Variants in CCDC33 observed in about 807,000 individuals in gnomAD.
The protein encoded by CCDC33 is coiled-coil domain-containing protein 33.
A neutral mutation model predicts 91.9 loss-of-function variants in CCDC33; 94 were observed. The observed-to-expected ratio is 1.02, with a 90% CI of 0.87 to 1.21. The LOEUF (loss-of-function observed/expected upper bound fraction) is 1.21. Ranked by LOEUF, CCDC33 falls within the 50% of genes most tolerant of loss-of-function variation. CCDC33 has a pLI of 0.00. For synonymous variants in CCDC33, 396 were observed against 374.5 expected, an observed-to-expected ratio of 1.06 and a Z score of -0.66; for missense variants, 940 against 935.5, an observed-to-expected ratio of 1.00 and a Z score of -0.06.
intron 11 of CCDC33, among the ~76,000 whole-genome samples, chr15:74,313,566 C>T (rs1248312735): frequency 1.3e-5 from 2 of 151,944 alleles, no homozygotes; most frequent in East Asian, 3.9e-4. Context: ...ATTACTGGTG[C>T]TGGCCGCGAT....
chr15:74,316,573 C>A lies in CCDC33; in HGVS notation c.1291-13616C>A, dbSNP rs1240930868. 6.6e-6 allele frequency among the ~76,000 whole-genome samples: 1 copy of A among 152,098 alleles called. No homozygotes were observed. Among genetic ancestry groups the A allele is most frequent in the Non-Finnish European group, 1.5e-5 (1 of 67,992 alleles). On this transcript the variant is annotated intron_variant, in intron 11 of 18. Transcript: ENST00000398814. This position sits in a 1 kb window ranked among gnomAD's most constrained non-coding sequence, Gnocchi z 4.7. ...CCAGGATCTTGGGGATAGCAGGGGG[C>A]ACACACCCATTTCCCTGGTGGGGAG...
intron 11 of CCDC33, 47 bp from the exon 12 acceptor site, chr15:74,330,142 G>T: frequency 6.6e-7 from 1 of 1,524,444 alleles, no homozygotes; most frequent in Non-Finnish European, 8.8e-7. Flanking sequence ...GTGGGACCAG[G>T]GTTGCTATGG....
chr15:74,330,999 G>A lies in CCDC33; in HGVS notation c.1564G>A (p.Glu522Lys), dbSNP rs1423175086. Residue 522 changes from glutamate to lysine, a missense_variant, in exon 14 of 19, where the codon GAG becomes AAG. Coordinates refer to ENST00000398814, the MANE Select transcript of CCDC33 (RefSeq NM_025055.5). Reference protein sequence around the residue: ...ELIRKNDREKELLLLYQAQQP... With the variant: ...ELIRKNDREKKLLLLYQAQQP... ...CTCACAGAAGAATGATCGAGAGAAG[G>A]AGCTGCTCCTTCTGTATCAGGCCCA... is the stretch of plus-strand genomic sequence containing the variant. The A allele has an allele frequency of 1.3e-6, 2 of 1,599,234 alleles. No individual in the cohort carries two copies. Among genetic ancestry groups the A allele is most frequent in the Admixed American group, 1.7e-5 (1 of 58,034 alleles).
intron 11 of CCDC33, among the ~76,000 whole-genome samples, chr15:74,296,284 T>G (rs2059684658): frequency 6.6e-6 from 1 of 152,132 alleles, no homozygotes; most frequent in Admixed American, 6.5e-5. Flanking sequence ...GGAAACACCT[T>G]TAAGAGATTC....
chr15:74,312,379 G>T (rs2060008912), intron 11 of CCDC33, among the ~76,000 whole-genome samples: 1 of 152,218 alleles, frequency 6.6e-6, no homozygotes, highest in African/African-American at 2.4e-5. Context: ...CGTGCCTAGA[G>T]GTGTGAAGGG....
chr15:74,247,194 T>C (rs1437431616), intron 2 of CCDC33, among the ~76,000 whole-genome samples: 6 of 150,952 alleles, frequency 4.0e-5, no homozygotes, highest in African/African-American at 1.5e-4. Context: ...CTGGGCCTGG[T>C]GCAGTGGCTC....
intron 1 of CCDC33, among the ~76,000 whole-genome samples, chr15:74,207,252 A>T (rs2074280207): frequency 6.6e-6 from 1 of 152,238 alleles, no homozygotes; most frequent in Non-Finnish European, 1.5e-5. Context: ...GGGGAAGGCC[A>T]GCAGCATCCC....
At chr15:74,312,587 A>G (rs140974680) in intron 11 of CCDC33, among the ~76,000 whole-genome samples, 44 of 152,022 alleles carry the variant, frequency 2.9e-4, no homozygotes, top group African/African-American at 1.1e-3. Context: ...GCCTATGTAC[A>G]CAGGCTTCGC....
At chr15:74,309,727 C>G (rs1386607372) in intron 11 of CCDC33, among the ~76,000 whole-genome samples, 1 of 152,154 alleles carries the variant, frequency 6.6e-6, no homozygotes, top group South Asian at 2.1e-4. Flanking sequence ...CCACTATTGG[C>G]CACTCCTTCA....
chr15:74,228,130 G>A (rs1013084596), intron 2 of CCDC33, among the ~76,000 whole-genome samples: 1 of 152,214 alleles, frequency 6.6e-6, no homozygotes, highest in African/African-American at 2.4e-5. Context: ...GAGCACCACA[G>A]GGAGAGCACT....
chr15:74,333,989 A>G (rs757145478), intron 17 of CCDC33, 22 bp downstream of exon 17: 2 of 1,602,070 alleles, frequency 1.2e-6, no homozygotes, highest in Admixed American at 1.7e-5. Context: ...GCAGGAGTTG[A>G]TGAGGCTGGA....
Position 74,218,832 on chromosome 15 carries a change from T to C in CCDC33, c.646T>C (p.Cys216Arg), listed in dbSNP as rs2074515072. Residue 216 changes from cysteine to arginine, a missense_variant, in exon 2 of 3, where the codon TGC becomes CGC. Transcript: ENST00000635913. The surrounding 1 kb of genome is among the most constrained non-coding windows in gnomAD (Gnocchi z 4.8). ...TGGCCAGCCAGAACTGATGTCACCATGCCCAGAGCCCCAGCTCCCCATACT... is the reference window on the plus strand; with the variant it reads ...TGGCCAGCCAGAACTGATGTCACCACGCCCAGAGCCCCAGCTCCCCATACT... 7.9e-7 allele frequency: 1 copy of C among 1,258,664 alleles called. No homozygotes were observed. 78.0% of individuals were successfully genotyped at this position (1,258,664 alleles called of 1,614,324 possible). A position where few individuals can be genotyped will look rare whatever the true frequency, so the allele number is the denominator to read the frequency against.
At position 74,312,373 on chromosome 15, in the gene CCDC33, C is replaced by T. The variant is rs565570245; in HGVS notation, c.1290+16425C>T. Reference sequence around the variant, plus strand: ...CCCCAGCCCAGGAGGGTCCCCCGTGCCTAGAGGTGTGAAGGGTAATGAGGC... The same window carrying T: ...CCCCAGCCCAGGAGGGTCCCCCGTGTCTAGAGGTGTGAAGGGTAATGAGGC... On this transcript the variant is annotated intron_variant, in intron 11 of 18. Coordinates refer to ENST00000398814, the MANE Select transcript of CCDC33 (RefSeq NM_025055.5). 2.8e-4 allele frequency among the ~76,000 whole-genome samples: 42 copies of T among 152,302 alleles called. 1 individual carries two copies. Among genetic ancestry groups the T allele is most frequent in the African/African-American group, 1.0e-3 (42 of 41,564 alleles).
intron 7 of CCDC33, among the ~76,000 whole-genome samples, chr15:74,274,529 A>G (rs914102326): frequency 2.6e-5 from 4 of 152,218 alleles, no homozygotes; most frequent in African/African-American, 4.8e-5. Flanking sequence ...AGGCTCAGAC[A>G]TGGGGTAGAG....
chr15:74,247,357 CATAT>C (rs745393579), intron 2 of CCDC33, among the ~76,000 whole-genome samples: 2 of 137,726 alleles, frequency 1.5e-5, no homozygotes, highest in African/African-American at 5.2e-5. Context: ...GAAAAAATGT[CATAT>C]ATATATATAT....
chr15:74,333,980 C>G lies in CCDC33; in HGVS notation c.2025+13C>G. ...CCTGGAAAGCCAGGTGGGTGAGATG[C>G]AGGAGTTGATGAGGCTGGATCAGGC... On this transcript the variant is annotated intron_variant, in intron 17 of 18. Coordinates refer to ENST00000398814, the MANE Select transcript of CCDC33 (RefSeq NM_025055.5). 6.2e-7 allele frequency: 1 copy of G among 1,611,194 alleles called. No individual in the cohort carries two copies. The highest frequency in any genetic ancestry group is 8.5e-7 in the Non-Finnish European group (1 of 1,177,872).
Position 74,321,101 on chromosome 15 carries a change from C to T in CCDC33, c.1291-9088C>T, listed in dbSNP as rs1024158779. ...TTTCAGGCACAACCTCCATCCTCCC[C>T]GACTTGTCCCTGAGACGGCCCCTCA... On this transcript the variant is annotated intron_variant, in intron 11 of 18. Transcript: ENST00000398814. Among the ~76,000 whole-genome samples, 6 of 152,282 alleles carry T rather than the reference C, an allele frequency of 3.9e-5. No individual in the cohort carries two copies. In the East Asian group the frequency reaches 1.2e-3, roughly 29 times the overall value.
intron 18 of CCDC33, chr15:74,335,371 A>G: frequency 1.7e-6 from 1 of 594,630 alleles, no homozygotes; most frequent in Non-Finnish European, 3.0e-6. Context: ...GGGTCCATGC[A>G]GGCATCTCCA....
chr15:74,235,787 T>C (rs1396648123), upstream of CCDC33, among the ~76,000 whole-genome samples: 1 of 152,264 alleles, frequency 6.6e-6, no homozygotes, highest in East Asian at 1.9e-4. Context: ...ATCATGGCTT[T>C]CTTTAATTGT....
Sources: gnomAD v4.1 joint callset for allele counts (sites outside exome capture counted in the v4.1 genomes callset) on GRCh38, gnomAD v4.1.1 for gene constraint, Gnocchi (gnomAD v3.1) non-coding constraint, MANE v1.5 for transcripts, NCBI Gene and HGNC (gene_info 2026-07-23, HGNC 2026-07-21) for gene names.